FYCO1: variants seen among roughly 807,000 people sequenced by gnomAD.
FYCO1 encodes FYVE and coiled-coil domain autophagy adaptor 1, also known as FYVE and coiled-coil domain-containing protein 1.
FYCO1 carries 122 observed loss-of-function variants against 165.1 expected under a neutral mutation model. That is an observed-to-expected ratio of 0.74 (90% confidence interval 0.64 to 0.86). The LOEUF (loss-of-function observed/expected upper bound fraction) is 0.86, where lower values mean the gene tolerates loss of function less well. FYCO1 is among the 40% of genes least tolerant of loss of function. The pLI is 0.00. For missense variants in FYCO1, 1,702 were observed against 1,810.3 expected (o/e 0.94, Z 1.09); for synonymous variants, 648 against 742.5 (o/e 0.87, Z 2.07).
intron 14 of FYCO1, 111 bp from the exon 15 acceptor site, chr3:45,936,654 G>A (rs1448058027): frequency 3.8e-6 from 3 of 789,924 alleles, no homozygotes. Context: ...ATGCATGGGG[G>A]ATCCTTTAAT....
intron 2 of FYCO1, chr3:45,984,646 A>G (rs1707226360): frequency 9.1e-6 from 6 of 658,430 alleles, no homozygotes; most frequent in South Asian, 8.7e-5. Context: ...CTGGCTTTAC[A>G]GTTCTCTGAA....
chr3:45,937,531 G>A (rs6805727), intron 14 of FYCO1, among the ~76,000 whole-genome samples: 2,255 of 152,350 alleles, frequency 0.015, 58 homozygotes, highest in African/African-American at 0.05. Flanking sequence ...TCTCTAAATG[G>A]AAGCAAATGT....
rs1705506721 is a variant in FYCO1 at position 45,958,650 on chromosome 3, A to C, written c.3588-31T>G. On this transcript the variant is annotated intron_variant, in intron 12 of 17. Coordinates refer to ENST00000296137, the MANE Select transcript of FYCO1 (RefSeq NM_024513.4). ...AACAAAACAAGCCCAGGCTGTGAGG[A>C]TGACACACTATGATCTTGTGTGATC... is the stretch of plus-strand genomic sequence containing the variant. The C allele has an allele frequency of 5.0e-6, 8 of 1,602,890 alleles. No homozygotes were observed. In the East Asian group the frequency reaches 1.8e-4, roughly 36 times the overall value.
At chr3:45,963,973 C>G (rs1054933807) in intron 10 of FYCO1, among the ~76,000 whole-genome samples, 2 of 152,218 alleles carry the variant, frequency 1.3e-5, no homozygotes, top group African/African-American at 4.8e-5. Flanking sequence ...GTATTCAAAA[C>G]AGAGTCGGCC....
At position 45,967,812 on chromosome 3, in the gene FYCO1, C is replaced by T. The variant is rs1706171105; in HGVS notation, c.1522G>A (p.Val508Ile). ...QEEKELLEQEVRSLTRQLQFL... is the reference protein window; with the variant it reads ...QEEKELLEQEIRSLTRQLQFL... ...TGCAGCTGCCGGGTCAGAGACCTGA[C>T]CTCCTGCTCCAGCAGCTCCTTCTCC... The change falls in exon 8 of 18, where the codon GTC becomes ATC. Residue 508 changes from valine to isoleucine, a missense_variant. Physicochemically the swap from Val to Ile is conservative, Grantham distance 29 (BLOSUM62 3). Transcript: ENST00000296137. The T allele has an allele frequency of 6.2e-7, 1 of 1,614,104 alleles. No homozygotes were observed. Among genetic ancestry groups the T allele is most frequent in the Non-Finnish European group, 8.5e-7 (1 of 1,180,034 alleles).
At chr3:45,933,481 G>C (rs944558070) in intron 15 of FYCO1, among the ~76,000 whole-genome samples, 1 of 152,162 alleles carries the variant, frequency 6.6e-6, no homozygotes. Flanking sequence ...GTGTGGTCTA[G>C]TTATTTCTAA....
intron 15 of FYCO1, among the ~76,000 whole-genome samples, chr3:45,932,358 T>C (rs575697043): frequency 3.3e-4 from 50 of 152,370 alleles, no homozygotes; most frequent in African/African-American, 1.1e-3. Context: ...GCGGCCATCA[T>C]AGGCCACGCC....
At chr3:45,936,846 C>T (rs1030544599) in intron 14 of FYCO1, among the ~76,000 whole-genome samples, 1 of 152,180 alleles carries the variant, frequency 6.6e-6, no homozygotes, top group African/African-American at 2.4e-5. Context: ...AACCACTCTC[C>T]TAGCCCACGC....
Position 45,964,223 on chromosome 3 carries a change from T to C in FYCO1, c.3269+113A>G, listed in dbSNP as rs1008880750. ...AAGCACTTTCTGAGTTTGTGGCTTT[T>C]CTTGCAAAAGGACTTCCTAAACCTA... On this transcript the variant is annotated intron_variant, in intron 10 of 17. Coordinates refer to ENST00000296137, the MANE Select transcript of FYCO1 (RefSeq NM_024513.4). The surrounding 1 kb of genome is among the most constrained non-coding windows in gnomAD (Gnocchi z 4.1). 1.1e-6 allele frequency: 1 copy of C among 906,746 alleles called. No individual in the cohort carries two copies. Among genetic ancestry groups the C allele is most frequent in the African/African-American group, 1.6e-5 (1 of 61,514 alleles). The allele number at this position is 906,746 out of a possible 1,614,324, so 56.2% of individuals were successfully genotyped here. A position where few individuals can be genotyped will look rare whatever the true frequency, so the allele number is the denominator to read the frequency against.
intron 14 of FYCO1, among the ~76,000 whole-genome samples, chr3:45,951,299 T>C (rs549840420): frequency 1.3e-5 from 2 of 152,176 alleles, no homozygotes; most frequent in Admixed American, 6.5e-5. Flanking sequence ...CCCCTAGGGG[T>C]GAGTGCTGTT....
chr3:45,962,402 G>A lies in FYCO1; in HGVS notation c.3270-10C>T, dbSNP rs1257737490. ...GAGTTCCTTCTGGGTCCTGGGGGAG[G>A]AGTGGTAAGTTTTCTTGATTAGCCA... On this transcript the variant is annotated splice_polypyrimidine_tract_variant and intron_variant, in intron 10 of 17. Coordinates refer to ENST00000296137, the MANE Select transcript of FYCO1 (RefSeq NM_024513.4). The surrounding 1 kb of genome is among the most constrained non-coding windows in gnomAD (Gnocchi z 4.4). 6.2e-7 allele frequency: 1 copy of A among 1,613,920 alleles called. No individual in the cohort carries two copies. The highest frequency in any genetic ancestry group is 1.1e-5 in the South Asian group (1 of 91,076).
At position 45,968,271 on chromosome 3, in the gene FYCO1, G is replaced by T; in HGVS notation, c.1063C>A (p.Arg355=). ...QPLAQELEAT[R]DSLDKKNQHL... ...TGGTTTTTCTTGTCCAGTGAGTCCC[G>T]TGTGGCCTCAAGCTCCTGTGCCAAG... Residue 355 remains arginine (R), a synonymous_variant, in exon 8 of 18, where the codon CGG becomes AGG. Transcript: ENST00000296137. 6.2e-7 allele frequency: 1 copy of T among 1,613,904 alleles called. No individual in the cohort carries two copies. The highest frequency in any genetic ancestry group is 8.5e-7 in the Non-Finnish European group (1 of 1,180,010).
chr3:45,922,489 C>G (rs1197629156), intron 17 of FYCO1, among the ~76,000 whole-genome samples: 1 of 152,186 alleles, frequency 6.6e-6, no homozygotes, highest in Non-Finnish European at 1.5e-5. Flanking sequence ...GCCTGGTGGT[C>G]CCCAACCCAT....
intron 16 of FYCO1, among the ~76,000 whole-genome samples, chr3:45,925,142 C>A (rs1043141492): frequency 3.3e-5 from 5 of 151,442 alleles, no homozygotes; most frequent in African/African-American, 1.2e-4. Context: ...GTTGGCCAGG[C>A]TGGTCTCAAA....
At chr3:45,972,766 G>C (rs1029101129) in intron 6 of FYCO1, among the ~76,000 whole-genome samples, 5 of 152,084 alleles carry the variant, frequency 3.3e-5, no homozygotes, top group African/African-American at 9.7e-5. Context: ...AACTCCATAA[G>C]AACAGGCACG....
intron 14 of FYCO1, chr3:45,947,573 G>T: frequency 7.7e-7 from 1 of 1,297,404 alleles, no homozygotes; most frequent in Non-Finnish European, 1.1e-6. Flanking sequence ...CCCTCTTGAT[G>T]TGGTGAGGCA....
At chr3:45,984,804 C>T in intron 2 of FYCO1, 52 bp downstream of exon 2, 2 of 1,592,712 alleles carry the variant, frequency 1.3e-6, no homozygotes, top group Non-Finnish European at 1.7e-6. Flanking sequence ...GCAAAAAGCC[C>T]TGCCACAAGT....
At position 45,918,444 on chromosome 3, in the gene FYCO1, C is replaced by T. The variant is rs1328235233; in HGVS notation, c.*3321G>A. 1.3e-5 allele frequency: 2 copies of T among 152,170 alleles called. No individual in the cohort carries two copies. The highest frequency in any genetic ancestry group is 3.4e-3 in the Middle Eastern group (1 of 294). The allele number at this position is 152,170 out of a possible 1,614,324, so 9.4% of individuals were successfully genotyped here. A position where few individuals can be genotyped will look rare whatever the true frequency, so the allele number is the denominator to read the frequency against. On this transcript the variant is annotated 3_prime_UTR_variant, in exon 18 of 18. Coordinates refer to ENST00000296137, the MANE Select transcript of FYCO1 (RefSeq NM_024513.4). ...GTTTTGTAAACAAGAATGGCCGTCT[C>T]GATGGTCTTTGTGTACATGACCATC...
At chr3:45,922,801 T>A (rs1010755945) in intron 17 of FYCO1, among the ~76,000 whole-genome samples, 5 of 152,190 alleles carry the variant, frequency 3.3e-5, no homozygotes, top group Admixed American at 6.5e-5. Flanking sequence ...TGTCTAGTTA[T>A]TCTGCTAAGA....
Sources: gnomAD v4.1 joint callset for allele counts (sites outside exome capture counted in the v4.1 genomes callset) on GRCh38, gnomAD v4.1.1 for gene constraint, Gnocchi (gnomAD v3.1) non-coding constraint, MANE v1.5 for transcripts, NCBI Gene and HGNC (gene_info 2026-07-23, HGNC 2026-07-21) for gene names.